Variants in PALM2AKAP2 observed in about 807,000 individuals in gnomAD.
PALM2AKAP2 encodes the protein PALM2 and AKAP2 fusion.
A neutral mutation model predicts 71.5 loss-of-function variants in PALM2AKAP2; 37 were observed. The ratio of observed to expected loss-of-function variants is 0.52; its 90% CI spans 0.40 to 0.68. The LOEUF (loss-of-function observed/expected upper bound fraction) is 0.68. PALM2AKAP2 is among the 30% of genes least tolerant of loss of function. PALM2AKAP2 has a pLI of 0.00. For synonymous variants in PALM2AKAP2, 468 were observed against 478.8 expected (o/e 0.98, Z 0.29); for missense variants, 1,224 against 1,191.8 (o/e 1.03, Z -0.40).
At chr9:109,996,373 C>T (rs1162299309) in intron 6 of PALM2AKAP2, among the ~76,000 whole-genome samples, 1 of 152,146 alleles carries the variant, frequency 6.6e-6, no homozygotes, top group Non-Finnish European at 1.5e-5. Flanking sequence ...GTTCTCTAAC[C>T]TTTGAGTAGG....
At chr9:110,144,739 A>C (rs893824568) in intron 2 of PALM2AKAP2, among the ~76,000 whole-genome samples, 1 of 152,236 alleles carries the variant, frequency 6.6e-6, no homozygotes, top group Non-Finnish European at 1.5e-5. Flanking sequence ...GGAGACCTTC[A>C]TGTCAGCTCA....
At chr9:110,167,041 G>A (rs1836752978) in intron 3 of PALM2AKAP2, among the ~76,000 whole-genome samples, 1 of 152,184 alleles carries the variant, frequency 6.6e-6, no homozygotes, top group Non-Finnish European at 1.5e-5. Flanking sequence ...ATGGCAGCAG[G>A]CAAGACAGTG....
chr9:110,135,164 A>AAATATATATAT lies in PALM2AKAP2; in HGVS notation c.157-962_157-961insATATATATATA. ...AACTCTGTCTCTACAAAAAAAAAAA[A>AAATATATATAT]ATATATAAATATATATATATATATA... On this transcript the variant is annotated intron_variant, in intron 1 of 3. Transcript: ENST00000374525. 3.1e-4 allele frequency among the ~76,000 whole-genome samples: 16 copies of AAATATATATAT among 51,734 alleles called. 2 individuals are homozygous for AAATATATATAT. The highest frequency in any genetic ancestry group is 1.1e-3 in the African/African-American group (15 of 13,630). 33.9% of individuals were successfully genotyped at this position (51,734 alleles called of 152,430 possible). A position where few individuals can be genotyped will look rare whatever the true frequency, so the allele number is the denominator to read the frequency against.
intron 1 of PALM2AKAP2, among the ~76,000 whole-genome samples, chr9:109,691,527 G>A (rs1443218292): frequency 6.6e-6 from 1 of 151,854 alleles, no homozygotes; most frequent in African/African-American, 2.4e-5. Flanking sequence ...AAGGACAATG[G>A]TGTTCTTTGT....
intron 7 of PALM2AKAP2, among the ~76,000 whole-genome samples, chr9:110,039,692 T>C (rs989334549): frequency 2.1e-4 from 18 of 87,192 alleles, no homozygotes; most frequent in Non-Finnish European, 3.8e-4. Context: ...AAGTCAAACA[T>C]AGTAGCAGCA....
At chr9:110,029,017 G>T (rs1833231914) in intron 7 of PALM2AKAP2, among the ~76,000 whole-genome samples, 1 of 151,424 alleles carries the variant, frequency 6.6e-6, no homozygotes, top group Non-Finnish European at 1.5e-5. Flanking sequence ...AAACCAGACA[G>T]ATGTATATTT....
At chr9:109,647,639 T>G (rs955486117) in intron 1 of PALM2AKAP2, among the ~76,000 whole-genome samples, 3 of 152,192 alleles carry the variant, frequency 2.0e-5, no homozygotes, top group African/African-American at 7.2e-5. Flanking sequence ...ATATTTATGT[T>G]TGACTAGTCT....
At chr9:109,834,691 AC>A (rs1564170858) in intron 1 of PALM2AKAP2, among the ~76,000 whole-genome samples, 2 of 152,210 alleles carry the variant, frequency 1.3e-5, no homozygotes, top group African/African-American at 2.4e-5. Context: ...GCTAAGTGTT[AC>A]CACATGCTAG....
intron 3 of PALM2AKAP2, among the ~76,000 whole-genome samples, chr9:110,159,613 A>ATC: frequency 6.7e-6 from 1 of 148,362 alleles, no homozygotes; most frequent in South Asian, 2.2e-4. Context: ...GTGATATGTT[A>ATC]GACACAATGG....
chr9:109,714,086 C>G (rs1167160183), intron 1 of PALM2AKAP2, among the ~76,000 whole-genome samples: 3 of 152,144 alleles, frequency 2.0e-5, no homozygotes, highest in African/African-American at 7.2e-5. Flanking sequence ...AACTTTCCAG[C>G]CTGATTGTTT....
intron 1 of PALM2AKAP2, among the ~76,000 whole-genome samples, chr9:109,814,060 C>T (rs1827791715): frequency 6.6e-6 from 1 of 152,176 alleles, no homozygotes; most frequent in Admixed American, 6.5e-5. Context: ...GTGCAAATAC[C>T]ACTGCTGAGC....
At position 109,690,293 on chromosome 9, in the gene PALM2AKAP2, A is replaced by G. The variant is rs138175916; in HGVS notation, c.5+49427A>G. Among the ~76,000 whole-genome samples, 9 of 152,326 alleles carry G rather than the reference A, an allele frequency of 5.9e-5. No individual in the cohort carries two copies. In the East Asian group the frequency reaches 1.3e-3, roughly 23 times the overall value. ...TGAAAGAAATCAGCTGTAGGTAAAT[A>G]TATCTTGATAATTATGAAGTTAGAG... On this transcript the variant is annotated intron_variant, in intron 1 of 6. Transcript: ENST00000374531.
intron 6 of PALM2AKAP2, among the ~76,000 whole-genome samples, chr9:110,001,465 T>G (rs1474294718): frequency 6.6e-6 from 1 of 152,232 alleles, no homozygotes; most frequent in Non-Finnish European, 1.5e-5. Flanking sequence ...CCAGCTTTGT[T>G]CTTTTGGCTT....
intron 1 of PALM2AKAP2, among the ~76,000 whole-genome samples, chr9:109,770,911 T>C (rs1829250736): frequency 6.6e-6 from 1 of 152,266 alleles, no homozygotes; most frequent in African/African-American, 2.4e-5. Context: ...AATAATCTTA[T>C]GAAATGAATA....
intron 1 of PALM2AKAP2, among the ~76,000 whole-genome samples, chr9:109,848,647 A>G (rs1828928853): frequency 6.6e-6 from 1 of 152,004 alleles, no homozygotes; most frequent in Non-Finnish European, 1.5e-5. Flanking sequence ...TCTGTGTTAC[A>G]AGAATTGACA....
Position 110,136,480 on chromosome 9 carries a change from T to TGCAG in PALM2AKAP2, c.511_512insCAGG (p.Gly171AlafsTer24). ...ACAATGGAACATCCTCCCCAGAGCCTGGTGCAGTGGTTCTGGTGGGCGGCC... is the reference window on the plus strand; with the variant it reads ...ACAATGGAACATCCTCCCCAGAGCCTGCAGGGTGCAGTGGTTCTGGTGGGCGGCC... On this transcript the variant is annotated frameshift_variant, in exon 2 of 4. Transcript: ENST00000374525. LOFTEE classifies it high-confidence loss of function. 6.2e-7 allele frequency: 1 copy of TGCAG among 1,614,124 alleles called. No homozygotes were observed. Among genetic ancestry groups the TGCAG allele is most frequent in the Non-Finnish European group, 8.5e-7 (1 of 1,180,036 alleles).
intron 6 of PALM2AKAP2, among the ~76,000 whole-genome samples, chr9:109,987,019 A>G (rs1832390699): frequency 6.6e-6 from 1 of 152,230 alleles, no homozygotes; most frequent in African/African-American, 2.4e-5. Context: ...TCAATAATAA[A>G]CTATTGCCAT....
intron 6 of PALM2AKAP2, among the ~76,000 whole-genome samples, chr9:109,979,141 C>T (rs13302883): frequency 0.034 from 5,190 of 152,234 alleles, 132 homozygotes; most frequent in Non-Finnish European, 0.051. Flanking sequence ...TACAGGCACG[C>T]ACCACCATGC....
intron 6 of PALM2AKAP2, among the ~76,000 whole-genome samples, chr9:110,003,035 G>A (rs1344159164): frequency 6.6e-6 from 1 of 152,164 alleles, no homozygotes; most frequent in Non-Finnish European, 1.5e-5. Context: ...ATATCCTTCA[G>A]TTCTGCTCTG....
Sources: gnomAD v4.1 joint callset for allele counts (sites outside exome capture counted in the v4.1 genomes callset) on GRCh38, gnomAD v4.1.1 for gene constraint, MANE v1.5 for transcripts, NCBI Gene and HGNC (gene_info 2026-07-23, HGNC 2026-07-21) for gene names.